CPT1B: variants seen among roughly 807,000 people sequenced by gnomAD.
CPT1B encodes the protein carnitine palmitoyltransferase 1B, also known as carnitine O-palmitoyltransferase 1, muscle isoform.
Under a neutral mutation model 92.7 loss-of-function variants are expected in CPT1B, and 57 were observed. That is an observed-to-expected ratio of 0.62 (90% CI 0.50 to 0.77). The LOEUF (loss-of-function observed/expected upper bound fraction) is 0.77, where lower values mean the gene tolerates loss of function less well. Among genes scored for constraint, CPT1B ranks in the 30% least tolerant of loss-of-function variants. CPT1B has a pLI of 0.00. For missense variants in CPT1B, 983 were observed against 1,017.4 expected, an observed-to-expected ratio of 0.97 and a Z score of 0.46; for synonymous variants, 398 against 383.5, an observed-to-expected ratio of 1.04 and a Z score of -0.44.
chr22:50,570,227 C>A, intron 17 of CPT1B, 66 bp downstream of exon 17: 1 of 1,223,276 alleles, frequency 8.2e-7, no homozygotes. Flanking sequence ...ACCTCAGGGC[C>A]TGCACTCGCC....
intron 16 of CPT1B, 85 bp from the exon 17 acceptor site, chr22:50,570,491 G>C (rs1269194055): frequency 9.0e-7 from 1 of 1,113,680 alleles, no homozygotes; most frequent in Non-Finnish European, 1.3e-6. Context: ...CTCTGAGCCA[G>C]ACACGGTTCT....
intron 9 of CPT1B, 58 bp downstream of exon 9, chr22:50,574,277 C>A: frequency 7.2e-7 from 1 of 1,393,936 alleles, no homozygotes; most frequent in Non-Finnish European, 1.0e-6. Flanking sequence ...GATGAGCAGG[C>A]AGGAGGGCAG....
chr22:50,574,829 G>T lies in CPT1B; in HGVS notation c.778-229C>A, dbSNP rs531822008. The T allele has an allele frequency of 1.2e-4, 61 of 503,676 alleles. No individual in the cohort carries two copies. The East Asian group carries it at 2.1e-3, about 17-fold the overall frequency. 31.2% of individuals were successfully genotyped at this position (503,676 alleles called of 1,614,324 possible). ...TTATTCTTTATTTTTTAGAGTTAGGGTCTTGCTCTGTCGCCCAGGCTGGAG... is the reference window on the plus strand; with the variant it reads ...TTATTCTTTATTTTTTAGAGTTAGGTTCTTGCTCTGTCGCCCAGGCTGGAG... On this transcript the variant is annotated intron_variant, in intron 7 of 19. Coordinates refer to ENST00000312108, the MANE Select transcript of CPT1B (RefSeq NM_152246.3).
intron 4 of CPT1B, 92 bp downstream of exon 4, chr22:50,576,765 C>T (rs756475919): frequency 5.1e-6 from 8 of 1,565,244 alleles, no homozygotes; most frequent in African/African-American, 1.4e-5. Context: ...GCACCAGTGC[C>T]CTGTCTGCCT....
Position 50,570,888 on chromosome 22 carries a change from G to A in CPT1B, c.2028+3C>T. On this transcript the variant is annotated splice_donor_region_variant and intron_variant, in intron 16 of 19. Transcript: ENST00000312108. ...AAAGGACACACCCAACAACGGTGCT[G>A]ACCTCAGCAAGGAAAGGAGAGCTGA... 1 of 1,613,220 alleles carries A rather than the reference G, an allele frequency of 6.2e-7. No individual in the cohort carries two copies. The highest frequency in any genetic ancestry group is 8.5e-7 in the Non-Finnish European group (1 of 1,179,842).
rs751624920 is a variant in CPT1B, at chr22:50,574,549, T to A, written c.829A>T (p.Ile277Phe). 6.2e-7 allele frequency: 1 copy of A among 1,614,106 alleles called. No homozygotes were observed. The highest frequency in any genetic ancestry group is 8.5e-7 in the Non-Finnish European group (1 of 1,180,014). The change falls in exon 8 of 20, where the codon ATC (isoleucine) becomes TTC (phenylalanine). Residue 277 changes from isoleucine to phenylalanine, a missense_variant. Physicochemically the swap from Ile to Phe is conservative, Grantham distance 21. Coordinates refer to ENST00000312108, the MANE Select transcript of CPT1B (RefSeq NM_152246.3). ...TDVQAARLGN[I>F]IHAMIMYRRK... Reference sequence around the variant, plus strand: ...CGATACATGATCATGGCGTGGATGATGTTTCCCAGGCGGGCTGCCTGCACG... The same window carrying A: ...CGATACATGATCATGGCGTGGATGAAGTTTCCCAGGCGGGCTGCCTGCACG...
rs2070204808 is a variant in CPT1B at position 50,572,093 on chromosome 22, C to G, written c.1488G>C (p.Leu496=). The change falls in exon 13 of 20, where the codon CTG becomes CTC. Residue 496 remains leucine (L), a synonymous_variant. Transcript: ENST00000312108. ...EFVLGTDSFH[L]GYTETGHCLG... ...GGCAGTGCCCGGTCTCCGTGTAGCC[C>G]AGGTGGAAGCTGTCTGTGCCCAGGA... 6.2e-7 allele frequency: 1 copy of G among 1,614,138 alleles called. No individual in the cohort carries two copies. The highest frequency in any genetic ancestry group is 8.5e-7 in the Non-Finnish European group (1 of 1,180,008).
Position 50,571,290 on chromosome 22 carries a change from G to C in CPT1B, c.1743C>G (p.Asp581Glu). ...QIALQLAHFR[D>E]RGKFCLTYEA... ...CATAGGTCAGGCAGAACTTACCCCT[G>C]TCCTGGGATATACAGAGGGGTGAAT... Residue 581 changes from aspartate (D) to glutamate (E), a missense_variant and splice_region_variant, in exon 15 of 20, where the codon GAC becomes GAG. By Grantham distance (45) the Asp-to-Glu change is conservative. Transcript: ENST00000312108. 1 of 1,613,804 alleles carries C rather than the reference G, an allele frequency of 6.2e-7. No homozygotes were observed. Among genetic ancestry groups the C allele is most frequent in the Non-Finnish European group, 8.5e-7 (1 of 1,180,024 alleles).
chr22:50,577,519 T>G (rs2070507997), intron 2 of CPT1B, 56 bp from the exon 3 acceptor site: 3 of 1,598,906 alleles, frequency 1.9e-6, no homozygotes, highest in Non-Finnish European at 2.6e-6. Flanking sequence ...TTAGCCTGCC[T>G]GTGAAGTCTT....
At position 50,572,870 on chromosome 22, in the gene CPT1B, C is replaced by G; in HGVS notation, c.1352+5G>C. ...CTGTAACCTGTGGGGCTGGGGCTGCCGTACCTGTTGTAGCAGTTGCCATGT... is the reference window on the plus strand; with the variant it reads ...CTGTAACCTGTGGGGCTGGGGCTGCGGTACCTGTTGTAGCAGTTGCCATGT... On this transcript the variant is annotated splice_donor_5th_base_variant and intron_variant, in intron 11 of 19. Coordinates refer to ENST00000312108, the MANE Select transcript of CPT1B (RefSeq NM_152246.3). The G allele has an allele frequency of 6.2e-7, 1 of 1,600,140 alleles. No homozygotes were observed. The highest frequency in any genetic ancestry group is 1.1e-5 in the South Asian group (1 of 90,866).
In CPT1B at chr22:50,571,200, C is replaced by A. The variant is rs750905232; in HGVS notation, c.1833G>T (p.Glu611Asp). ...RTETVRSCTS[E>D]STAFVQAMME... ...TCATGGCCTGCACAAAGGCTGTGGA[C>A]TCGCTGGTACAGGAACGCACAGTCT... is the stretch of plus-strand genomic sequence containing the variant. Residue 611 changes from glutamate (E) to aspartate (D), a missense_variant, in exon 15 of 20, where the codon GAG becomes GAT. By Grantham distance (45) the Glu-to-Asp change is conservative. Transcript: ENST00000312108. 3 of 1,614,034 alleles carry A rather than the reference C, an allele frequency of 1.9e-6. No individual in the cohort carries two copies. The African/African-American group carries it at 4.0e-5, about 22-fold the overall frequency.
In CPT1B at chr22:50,572,870, C is replaced by T. The variant is rs370010242; in HGVS notation, c.1352+5G>A. 6.6e-5 allele frequency: 106 copies of T among 1,600,022 alleles called. No homozygotes were observed. Among genetic ancestry groups the T allele is most frequent in the Non-Finnish European group, 6.8e-5 (80 of 1,168,472 alleles). On this transcript the variant is annotated splice_donor_5th_base_variant and intron_variant, in intron 11 of 19. Coordinates refer to ENST00000312108, the MANE Select transcript of CPT1B (RefSeq NM_152246.3). ...CTGTAACCTGTGGGGCTGGGGCTGC[C>T]GTACCTGTTGTAGCAGTTGCCATGT...
chr22:50,576,170 G>A (rs2070423868), intron 6 of CPT1B, 28 bp downstream of exon 6: 1 of 1,614,108 alleles, frequency 6.2e-7, no homozygotes, highest in East Asian at 2.2e-5. Flanking sequence ...CATGGCAGGT[G>A]ACAGTGAGCC....
At chr22:50,576,798 A>G in intron 4 of CPT1B, 59 bp downstream of exon 4, 1 of 1,603,466 alleles carries the variant, frequency 6.2e-7, no homozygotes, top group Non-Finnish European at 8.5e-7. Flanking sequence ...TCAGAACCCC[A>G]AAGGAGTCCA....
rs766432645 is a variant in CPT1B, at chr22:50,577,045, G to A, written c.282-11C>T. 1.9e-6 allele frequency: 3 copies of A among 1,613,348 alleles called. No individual in the cohort carries two copies. In the South Asian group the frequency reaches 3.3e-5, roughly 18 times the overall value. Reference sequence around the variant, plus strand: ...TGGTAGGGGCCACACCTATTGGAGAGGGGCAAGGGCTGCAGGGGGTCCTCT... The same window carrying A: ...TGGTAGGGGCCACACCTATTGGAGAAGGGCAAGGGCTGCAGGGGGTCCTCT... On this transcript the variant is annotated splice_polypyrimidine_tract_variant and intron_variant, in intron 3 of 19. Transcript: ENST00000312108.
chr22:50,571,984 G>A (rs2070198120), intron 13 of CPT1B, 22 bp downstream of exon 13: 2 of 1,605,126 alleles, frequency 1.2e-6, no homozygotes, highest in Non-Finnish European at 1.7e-6. Flanking sequence ...TCTCACACCT[G>A]CTCTGGGAGC....
Position 50,574,424 on chromosome 22 carries a change from G to T in CPT1B, c.886-5C>A, listed in dbSNP as rs1281033789. The stretch of plus-strand genomic sequence containing the variant: ...CACTATGCCCAGTGCCATCACCTGA[G>T]GGAAGGCCCAGCATGGCTCAGACTC... On this transcript the variant is annotated splice_region_variant and splice_polypyrimidine_tract_variant and intron_variant, in intron 8 of 19. Coordinates refer to ENST00000312108, the MANE Select transcript of CPT1B (RefSeq NM_152246.3). 6.2e-7 allele frequency: 1 copy of T among 1,614,106 alleles called. No individual in the cohort carries two copies. Among genetic ancestry groups the T allele is most frequent in the East Asian group, 2.2e-5 (1 of 44,890 alleles).
rs1336734093 is a variant in CPT1B at position 50,572,236 on chromosome 22, C to T, written c.1425G>A (p.Trp475Ter). 4.3e-6 allele frequency: 7 copies of T among 1,613,754 alleles called. No individual in the cohort carries two copies. Among genetic ancestry groups the T allele is most frequent in the Non-Finnish European group, 5.9e-6 (7 of 1,179,850 alleles). ...GQLGLNAEHA[W>*]ADAPIIGHLW... ...GGTGCCCAATGATGGGAGCATCTGCCCACGCATGCTCTGCATTGAGACCCA... is the reference window on the plus strand; with the variant it reads ...GGTGCCCAATGATGGGAGCATCTGCTCACGCATGCTCTGCATTGAGACCCA... The change falls in exon 12 of 20, where the codon TGG becomes TGA. Residue 475 changes from tryptophan to a stop codon, truncating the protein, a stop_gained. Transcript: ENST00000312108. LOFTEE classifies it high-confidence loss of function.
At position 50,569,754 on chromosome 22, in the gene CPT1B, C is replaced by T. The variant is rs942949001; in HGVS notation, c.2143-86G>A. On this transcript the variant is annotated intron_variant, in intron 17 of 19. Transcript: ENST00000312108. Reference sequence around the variant, plus strand: ...GCTGATATTGTACTTGTTCTTCCCACAAGAGTTGCAGGAACGGGCCCCAGC... The same window carrying T: ...GCTGATATTGTACTTGTTCTTCCCATAAGAGTTGCAGGAACGGGCCCCAGC... 40 of 1,193,758 alleles carry T rather than the reference C, an allele frequency of 3.4e-5. 1 individual carries two copies. The highest frequency in any genetic ancestry group is 4.7e-5 in the Non-Finnish European group (38 of 800,426). The allele number at this position is 1,193,758 out of a possible 1,614,324, so 73.9% of individuals were successfully genotyped here. A position where few individuals can be genotyped will look rare whatever the true frequency, so the allele number is the denominator to read the frequency against.
Sources: allele counts gnomAD v4.1 joint callset, GRCh38; gene constraint gnomAD v4.1.1; transcripts MANE v1.5; gene names NCBI Gene and HGNC (gene_info 2026-07-23, HGNC 2026-07-21).